The following KLF7 variants were observed in gnomAD, a reference collection of about 807,000 sequenced individuals.
KLF7 encodes KLF transcription factor 7, also known as Krueppel-like factor 7.
A neutral mutation model predicts 27.3 loss-of-function variants in KLF7; 2 were observed. The ratio of observed to expected loss-of-function variants is 0.07; its 90% CI spans 0.03 to 0.23. The LOEUF (loss-of-function observed/expected upper bound fraction) is 0.23. Ranked by LOEUF, KLF7 falls within the 10% of genes least tolerant of loss-of-function variation. KLF7 has a pLI of 1.00. For synonymous variants in KLF7, 165 were observed against 162.4 expected, an observed-to-expected ratio of 1.02 and a Z score of -0.12; for missense variants, 221 against 394.1, an observed-to-expected ratio of 0.56 and a Z score of 3.72.
At chr2:207,113,526 C>G (rs1232369957) in intron 2 of KLF7, among the ~76,000 whole-genome samples, 1 of 144,658 alleles carries the variant, frequency 6.9e-6, no homozygotes, top group African/African-American at 2.6e-5. Flanking sequence ...AGCAGAGCAG[C>G]AGGCCCAGAC....
chr2:207,163,257 G>A (rs1281212089), intron 1 of KLF7, among the ~76,000 whole-genome samples: 1 of 152,230 alleles, frequency 6.6e-6, no homozygotes, highest in Non-Finnish European at 1.5e-5. Flanking sequence ...TTGGCTATAA[G>A]CATGACGCTG....
chr2:207,137,930 T>C (rs962184039), intron 1 of KLF7, among the ~76,000 whole-genome samples: 7 of 152,122 alleles, frequency 4.6e-5, no homozygotes, highest in East Asian at 1.9e-4. Context: ...CTGAACCCCA[T>C]TGCAATGTTG....
rs767809665 is a variant in KLF7 at position 207,123,871 on chromosome 2, G to A, written c.636C>T (p.Pro212=). The A allele has an allele frequency of 1.2e-5, 19 of 1,613,752 alleles. No individual in the cohort carries two copies. The highest frequency in any genetic ancestry group is 4.4e-5 in the South Asian group (4 of 91,062). ...DQGGLGAEAC[P]ENKKRVHRCQ... The stretch of plus-strand genomic sequence containing the variant: ...AGCGGTGAACCCTCTTCTTGTTTTC[G>A]GGACATGCTTCAGCCCCCAGCCCTC... Residue 212 remains proline (P), a synonymous_variant, in exon 2 of 4, where the codon CCC becomes CCT. Coordinates refer to ENST00000309446, the MANE Select transcript of KLF7 (RefSeq NM_003709.4).
Position 207,075,954 on chromosome 2 carries a change from C to T in KLF7, c.*5259G>A, listed in dbSNP as rs1022642854. On this transcript the variant is annotated 3_prime_UTR_variant, in exon 4 of 4. Coordinates refer to ENST00000309446, the MANE Select transcript of KLF7 (RefSeq NM_003709.4). ...ATCGTTCTGCCTCCAGTCCAAAGGCCTAGGTTTAAAATGTCCCCTCTGCCC... is the reference window on the plus strand; with the variant it reads ...ATCGTTCTGCCTCCAGTCCAAAGGCTTAGGTTTAAAATGTCCCCTCTGCCC... The T allele has an allele frequency of 3.9e-5, 6 of 152,062 alleles. No individual in the cohort carries two copies. Among genetic ancestry groups the T allele is most frequent in the African/African-American group, 1.4e-4 (6 of 41,396 alleles). The allele number at this position is 152,062 out of a possible 1,614,324, so 9.4% of individuals were successfully genotyped here. A position where few individuals can be genotyped will look rare whatever the true frequency, so the allele number is the denominator to read the frequency against.
chr2:207,113,655 G>A (rs1312725619), intron 2 of KLF7, among the ~76,000 whole-genome samples: 1 of 145,102 alleles, frequency 6.9e-6, no homozygotes, highest in Non-Finnish European at 1.5e-5. Flanking sequence ...AGAAAGAGCA[G>A]AAACAGCTGT....
chr2:207,147,877 G>A (rs2078140090), intron 1 of KLF7, among the ~76,000 whole-genome samples: 1 of 152,158 alleles, frequency 6.6e-6, no homozygotes, highest in Admixed American at 6.5e-5. Flanking sequence ...GCCAGTTCTT[G>A]AAATGTTTTA....
At chr2:207,123,293 C>G (rs1043347928) in intron 2 of KLF7, among the ~76,000 whole-genome samples, 1 of 152,204 alleles carries the variant, frequency 6.6e-6, no homozygotes, top group African/African-American at 2.4e-5. Flanking sequence ...CTAATGAACT[C>G]TGAAACCCTC....
chr2:207,109,464 CT>C (rs2076969837), intron 2 of KLF7, among the ~76,000 whole-genome samples: 1 of 152,176 alleles, frequency 6.6e-6, no homozygotes, highest in Non-Finnish European at 1.5e-5. Context: ...GCAGTGAAAT[CT>C]TTGAAAAATG....
intron 2 of KLF7, among the ~76,000 whole-genome samples, chr2:207,095,649 A>G (rs557239390): frequency 1.3e-5 from 2 of 152,328 alleles, no homozygotes; most frequent in South Asian, 4.1e-4. Context: ...ACCTTGATTA[A>G]AATTCAGATT....
chr2:207,133,670 C>G (rs145249232), intron 1 of KLF7, among the ~76,000 whole-genome samples: 7 of 152,214 alleles, frequency 4.6e-5, no homozygotes, highest in Non-Finnish European at 8.8e-5. Context: ...CTCCCCACCC[C>G]CTACAGCCTC....
chr2:207,123,726 T>A (rs1291797140), intron 2 of KLF7, 48 bp downstream of exon 2: 5 of 1,569,124 alleles, frequency 3.2e-6, no homozygotes, highest in Non-Finnish European at 2.6e-6. Context: ...ATGACGAGGC[T>A]ACAGGAGGGG....
chr2:207,157,043 T>C (rs1041811966), intron 1 of KLF7, among the ~76,000 whole-genome samples: 2 of 152,038 alleles, frequency 1.3e-5, no homozygotes, highest in African/African-American at 4.8e-5. Context: ...GAAAAAGGCA[T>C]AGTCAAATCT....
Position 207,075,343 on chromosome 2 carries a change from A to ATT in KLF7, c.*5868_*5869dup, listed in dbSNP as rs1453798991. On this transcript the variant is annotated 3_prime_UTR_variant, in exon 4 of 4. Transcript: ENST00000309446. ...GCAAAAAAACTTGACAAAGTAATAT[A>ATT]TTTATATATATATATATATAAAAAG... 2.0e-5 allele frequency: 3 copies of ATT among 148,504 alleles called. No individual in the cohort carries two copies. Among genetic ancestry groups the ATT allele is most frequent in the Admixed American group, 6.7e-5 (1 of 14,888 alleles). 9.2% of individuals were successfully genotyped at this position (148,504 alleles called of 1,614,324 possible). A position where few individuals can be genotyped will look rare whatever the true frequency, so the allele number is the denominator to read the frequency against.
chr2:207,133,925 AAC>A, intron 1 of KLF7: 2 of 529,482 alleles, frequency 3.8e-6, no homozygotes, highest in South Asian at 8.2e-5. Context: ...ATTACTGAAA[AAC>A]ACAGTAACAG....
chr2:207,163,804 C>T (rs541419897), intron 1 of KLF7, among the ~76,000 whole-genome samples: 3 of 152,292 alleles, frequency 2.0e-5, no homozygotes, highest in South Asian at 2.1e-4. Context: ...TACCAGTGGG[C>T]TGACAGTGTG....
At chr2:207,169,122 T>C (rs1163448474), upstream of KLF7, among the ~76,000 whole-genome samples, 1 of 152,212 alleles carries the variant, frequency 6.6e-6, no homozygotes, top group East Asian at 1.9e-4. Context: ...CAGATTAGAA[T>C]ACAGGTCTGC....
intron 1 of KLF7, among the ~76,000 whole-genome samples, chr2:207,154,164 C>T (rs961074889): frequency 3.3e-5 from 5 of 151,994 alleles, no homozygotes; most frequent in South Asian, 2.1e-4. Flanking sequence ...AATAAAAATC[C>T]GATCTGAGAT....
At chr2:207,141,694 T>G (rs932483779) in intron 1 of KLF7, among the ~76,000 whole-genome samples, 1 of 152,040 alleles carries the variant, frequency 6.6e-6, no homozygotes, top group East Asian at 1.9e-4. Flanking sequence ...AAAGTTAGAG[T>G]GCGTGAGACA....
chr2:207,095,562 T>C (rs1481104402), intron 2 of KLF7, among the ~76,000 whole-genome samples: 4 of 152,248 alleles, frequency 2.6e-5, no homozygotes, highest in Admixed American at 6.5e-5. Flanking sequence ...GTGTTCAATA[T>C]AGTAGCCAGT....
Sources: gnomAD v4.1 joint callset for allele counts (sites outside exome capture counted in the v4.1 genomes callset) on GRCh38, gnomAD v4.1.1 for gene constraint, MANE v1.5 for transcripts, NCBI Gene and HGNC (gene_info 2026-07-23, HGNC 2026-07-21) for gene names.